Variants in SYNPR observed in about 807,000 individuals in gnomAD.
SYNPR encodes synaptoporin.
SYNPR carries 23 observed loss-of-function variants against 32.9 expected under a neutral mutation model. The ratio of observed to expected loss-of-function variants is 0.70; its 90% CI spans 0.50 to 0.99. The LOEUF is 0.99. Ranked by LOEUF, SYNPR falls within the 50% of genes least tolerant of loss-of-function variation. SYNPR has a pLI of 0.00. For synonymous variants in SYNPR, 146 were observed against 135.9 expected (o/e 1.07, Z -0.52); for missense variants, 318 against 349.3 (o/e 0.91, Z 0.71).
At chr3:63,519,381 T>C (rs1480140151) in intron 3 of SYNPR, among the ~76,000 whole-genome samples, 1 of 152,206 alleles carries the variant, frequency 6.6e-6, no homozygotes. Flanking sequence ...CCTTATAGGA[T>C]TGTTAAAAGG....
At chr3:63,283,118 T>C (rs2086645245) in intron 2 of SYNPR, among the ~76,000 whole-genome samples, 1 of 152,220 alleles carries the variant, frequency 6.6e-6, no homozygotes, top group Admixed American at 6.5e-5. Flanking sequence ...TCTACAGTTG[T>C]GCACACACAC....
At chr3:63,599,616 CT>C (rs1303603892) in intron 4 of SYNPR, among the ~76,000 whole-genome samples, 2 of 152,096 alleles carry the variant, frequency 1.3e-5, no homozygotes. Flanking sequence ...ATGAAATCAC[CT>C]TTTTTTCAGA....
intron 4 of SYNPR, among the ~76,000 whole-genome samples, chr3:63,601,337 A>AG (rs1700038935): frequency 2.6e-5 from 4 of 152,142 alleles, no homozygotes; most frequent in African/African-American, 9.7e-5. Context: ...TGATGTAAAA[A>AG]TTCTCAATTC....
intron 2 of SYNPR, 120 bp downstream of exon 2, chr3:63,278,862 G>A (rs2086601806): frequency 2.6e-6 from 3 of 1,153,780 alleles, no homozygotes; most frequent in Non-Finnish European, 3.7e-6. Context: ...CCCTCAAGCC[G>A]GGGATTTCAA....
intron 4 of SYNPR, among the ~76,000 whole-genome samples, chr3:63,588,374 A>C (rs891623352): frequency 1.2e-4 from 18 of 152,006 alleles, no homozygotes; most frequent in African/African-American, 4.1e-4. Flanking sequence ...CTTCCTCCAG[A>C]TGTTTCATCT....
chr3:63,609,437 G>C, intron 5 of SYNPR, 121 bp downstream of exon 5: 1 of 805,158 alleles, frequency 1.2e-6, no homozygotes, highest in African/African-American at 1.8e-5. Context: ...CAATCAAAAG[G>C]TGAGATACTT....
chr3:63,465,896 G>T (rs1174980467), intron 2 of SYNPR, among the ~76,000 whole-genome samples: 2 of 151,612 alleles, frequency 1.3e-5, no homozygotes, highest in Admixed American at 6.6e-5. Context: ...CGTCCCTTAA[G>T]ACCTTTTTGG....
At chr3:63,417,227 A>T (rs2088553646) in intron 2 of SYNPR, among the ~76,000 whole-genome samples, 1 of 152,246 alleles carries the variant, frequency 6.6e-6, no homozygotes, top group Non-Finnish European at 1.5e-5. Flanking sequence ...TGCAAGTCTA[A>T]AATCCAGCAG....
At chr3:63,220,907 T>C in the SYNPR span, among the ~76,000 whole-genome samples, 1 of 152,244 alleles carries the variant, frequency 6.6e-6, no homozygotes, top group Non-Finnish European at 1.5e-5. Flanking sequence ...TGGTCTTTTC[T>C]GTTAACTTAG....
At chr3:63,415,744 T>A (rs1261826218) in intron 2 of SYNPR, among the ~76,000 whole-genome samples, 1 of 152,242 alleles carries the variant, frequency 6.6e-6, no homozygotes. Context: ...TCTGCAAGCG[T>A]CCTTCTAATC....
At chr3:63,489,253 T>G (rs995494926) in intron 3 of SYNPR, among the ~76,000 whole-genome samples, 1 of 152,204 alleles carries the variant, frequency 6.6e-6, no homozygotes, top group African/African-American at 2.4e-5. Flanking sequence ...AGTAAATCCA[T>G]CCGGCAAGTG....
At chr3:63,202,445 G>A in the SYNPR span, among the ~76,000 whole-genome samples, 85 of 152,258 alleles carry the variant, frequency 5.6e-4, no homozygotes, top group South Asian at 0.017. Flanking sequence ...GGAGATTTGA[G>A]CTTCAAAATA....
chr3:63,252,111 A>T (rs1466914775), intron 1 of SYNPR, among the ~76,000 whole-genome samples: 1 of 152,152 alleles, frequency 6.6e-6, no homozygotes, highest in African/African-American at 2.4e-5. Flanking sequence ...TCTGCAAGAT[A>T]AATTTTAAAT....
chr3:63,301,276 G>A (rs1032445680), intron 2 of SYNPR, among the ~76,000 whole-genome samples: 12 of 152,102 alleles, frequency 7.9e-5, no homozygotes, highest in East Asian at 3.9e-4. Context: ...TATAAAATGC[G>A]TTCAGCGCAG....
chr3:63,464,015 C>T (rs1033327896), intron 2 of SYNPR, among the ~76,000 whole-genome samples: 1 of 152,104 alleles, frequency 6.6e-6, no homozygotes, highest in African/African-American at 2.4e-5. Context: ...TTCTAGTAGA[C>T]CAAAGTACCA....
At chr3:63,423,353 T>C (rs575324344) in intron 2 of SYNPR, among the ~76,000 whole-genome samples, 43 of 152,182 alleles carry the variant, frequency 2.8e-4, no homozygotes, top group Non-Finnish European at 5.3e-4. Context: ...ACTAATACTA[T>C]GGCACCAGCT....
At chr3:63,420,470 T>C (rs1699769310) in intron 2 of SYNPR, among the ~76,000 whole-genome samples, 1 of 152,182 alleles carries the variant, frequency 6.6e-6, no homozygotes, top group African/African-American at 2.4e-5. Flanking sequence ...ATGAACTACT[T>C]GATATGTAGA....
chr3:63,290,477 A>AAG (rs2086728012), intron 2 of SYNPR, among the ~76,000 whole-genome samples: 1 of 152,184 alleles, frequency 6.6e-6, no homozygotes, highest in African/African-American at 2.4e-5. Flanking sequence ...TGCCCTCATG[A>AAG]CTAAGGATGT....
intron 2 of SYNPR, among the ~76,000 whole-genome samples, chr3:63,298,146 G>C (rs555703496): frequency 3.3e-5 from 5 of 152,170 alleles, no homozygotes; most frequent in African/African-American, 1.2e-4. Flanking sequence ...TTTGTTCTTT[G>C]TTTTAAAGTT....
Sources: allele counts gnomAD v4.1 joint callset (sites outside exome capture counted in the v4.1 genomes callset), GRCh38; gene constraint gnomAD v4.1.1; transcripts MANE v1.5; gene names NCBI Gene and HGNC (gene_info 2026-07-23, HGNC 2026-07-21).